The following HIBCH variants were observed in gnomAD, a reference collection of about 807,000 sequenced individuals.
HIBCH encodes the protein 3-hydroxyisobutyryl-CoA hydrolase, mitochondrial.
HIBCH carries 50 observed loss-of-function variants against 58.2 expected under a neutral mutation model. That is an observed-to-expected ratio of 0.86 (90% CI 0.68 to 1.09). The LOEUF (loss-of-function observed/expected upper bound fraction) is 1.09, where lower values mean the gene tolerates loss of function less well. HIBCH is among the 50% of genes least tolerant of loss of function. The probability of loss-of-function intolerance (pLI) is 0.00; values close to 1 mark genes in which losing one functional copy is unlikely to be tolerated. For synonymous variants in HIBCH, 151 were observed against 146.9 expected, an observed-to-expected ratio of 1.03 and a Z score of -0.20; for missense variants, 450 against 449.7, an observed-to-expected ratio of 1.00 and a Z score of -0.01.
At position 190,304,512 on chromosome 2, in the gene HIBCH, G is replaced by A. The variant is rs1019135174; in HGVS notation, c.78+6242C>T. Among the ~76,000 whole-genome samples the A allele has an allele frequency of 6.6e-6, 1 of 152,086 alleles. No individual in the cohort carries two copies. Among genetic ancestry groups the A allele is most frequent in the African/African-American group, 2.4e-5 (1 of 41,420 alleles). On this transcript the variant is annotated intron_variant, in intron 2 of 13. Transcript: ENST00000359678. This position sits in a 1 kb window ranked among gnomAD's most constrained non-coding sequence, Gnocchi z 4.1. ...AATCCTTCGTGAGGACAGAGGCCTC[G>A]TGACCCAATCACCTCCCAAAGGCCT...
chr2:190,198,631 CAAAAAAA>C (rs35125102), intron 1 of HIBCH, among the ~76,000 whole-genome samples: 2,346 of 70,714 alleles, frequency 0.033, 26 homozygotes, highest in Non-Finnish European at 0.048. Flanking sequence ...GACCCTGTCT[CAAAAAAA>C]AAAAAAAAAA....
chr2:190,312,931 T>C (rs1463504332), intron 1 of HIBCH, among the ~76,000 whole-genome samples: 9 of 152,178 alleles, frequency 5.9e-5, no homozygotes, highest in Admixed American at 5.9e-4. Context: ...AAACCCCGTT[T>C]CCACTAAAAG....
At chr2:190,271,377 C>T (rs1467802496) in intron 6 of HIBCH, among the ~76,000 whole-genome samples, 1 of 150,118 alleles carries the variant, frequency 6.7e-6, no homozygotes, top group East Asian at 2.0e-4. Context: ...CAACCTCTAC[C>T]TCCCGGGTTT....
At chr2:190,218,964 T>TG (rs1685640165) in intron 11 of HIBCH, among the ~76,000 whole-genome samples, 1 of 152,204 alleles carries the variant, frequency 6.6e-6, no homozygotes, top group Non-Finnish European at 1.5e-5. Flanking sequence ...TAAACGTTAC[T>TG]GGTAAGTCAA....
chr2:190,202,874 G>A (rs1035604431), downstream of HIBCH: 21 of 167,048 alleles, frequency 1.3e-4, no homozygotes, highest in African/African-American at 5.1e-4. Flanking sequence ...TTCCCCAGTT[G>A]TCGCTTATGT....
intron 7 of HIBCH, among the ~76,000 whole-genome samples, chr2:190,259,318 G>GGTGTGTGT (rs1364718798): frequency 4.1e-4 from 29 of 71,200 alleles, no homozygotes; most frequent in Non-Finnish European, 8.3e-4. Context: ...TCAGTATACA[G>GGTGTGTGT]ATGTGTGTGT....
chr2:190,219,524 CTTTG>C (rs369522250), intron 11 of HIBCH, among the ~76,000 whole-genome samples: 3 of 152,274 alleles, frequency 2.0e-5, no homozygotes, highest in South Asian at 2.1e-4. Context: ...AAATAGCTCA[CTTTG>C]TTTGTTCTTA....
intron 5 of HIBCH, among the ~76,000 whole-genome samples, chr2:190,289,829 C>T (rs1224278389): frequency 6.6e-6 from 1 of 152,054 alleles, no homozygotes; most frequent in Non-Finnish European, 1.5e-5. Context: ...AACTGGAACC[C>T]AAGTTTTTTC....
At chr2:190,193,230 TTA>T (rs1689801223) in intron 1 of HIBCH, among the ~76,000 whole-genome samples, 2 of 152,120 alleles carry the variant, frequency 1.3e-5, no homozygotes, top group South Asian at 4.1e-4. Flanking sequence ...CTGATTTTTT[TTA>T]TGTTAATATA....
At chr2:190,253,301 T>C (rs548430711) in intron 7 of HIBCH, among the ~76,000 whole-genome samples, 1 of 152,342 alleles carries the variant, frequency 6.6e-6, no homozygotes, top group South Asian at 2.1e-4. Context: ...TTTTATAATT[T>C]ATGTATCTGT....
chr2:190,257,334 G>C (rs1686954564), intron 7 of HIBCH, among the ~76,000 whole-genome samples: 1 of 152,142 alleles, frequency 6.6e-6, no homozygotes, highest in Admixed American at 6.5e-5. Flanking sequence ...TCTCATACAA[G>C]TGAACTCAGG....
At chr2:190,261,920 G>T (rs1486133281) in intron 6 of HIBCH, among the ~76,000 whole-genome samples, 3 of 152,156 alleles carry the variant, frequency 2.0e-5, no homozygotes, top group Non-Finnish European at 4.4e-5. Context: ...AGGAGGGGCT[G>T]AACTAGGGAT....
In HIBCH at chr2:190,207,286, C is replaced by T. The variant is rs973319759; in HGVS notation, c.1045+1594G>A. Among the ~76,000 whole-genome samples the T allele has an allele frequency of 9.2e-5, 14 of 152,118 alleles. No homozygotes were observed. Among genetic ancestry groups the T allele is most frequent in the African/African-American group, 3.4e-4 (14 of 41,412 alleles). On this transcript the variant is annotated intron_variant, in intron 13 of 13. Transcript: ENST00000359678. The surrounding 1 kb of genome is among the most constrained non-coding windows in gnomAD (Gnocchi z 4.5). ...GGGCTATTATAACATATAATGAATA[C>T]TTTAACAATATAACCCTGTATGCTT...
intron 6 of HIBCH, among the ~76,000 whole-genome samples, chr2:190,262,450 G>C (rs1216174767): frequency 6.6e-6 from 1 of 152,086 alleles, no homozygotes; most frequent in Non-Finnish European, 1.5e-5. Context: ...TTTTCAGTTA[G>C]AACTAGACCT....
At chr2:190,319,194 T>G (rs1217894120) in intron 1 of HIBCH, among the ~76,000 whole-genome samples, 1 of 152,142 alleles carries the variant, frequency 6.6e-6, no homozygotes, top group African/African-American at 2.4e-5. Context: ...TAAACAATGT[T>G]TGCAAACATG....
intron 10 of HIBCH, 65 bp from the exon 11 acceptor site, chr2:190,245,033 A>AAT (rs1686565475): frequency 2.0e-6 from 2 of 999,270 alleles, no homozygotes; most frequent in African/African-American, 3.2e-5. Context: ...ACATACGATG[A>AAT]ATCTGAACAT....
At chr2:190,240,402 C>T (rs756300605) in intron 11 of HIBCH, among the ~76,000 whole-genome samples, 9 of 151,992 alleles carry the variant, frequency 5.9e-5, no homozygotes, top group Admixed American at 1.3e-4. Flanking sequence ...TCTTATTAGT[C>T]TGGCTAGTGG....
intron 7 of HIBCH, among the ~76,000 whole-genome samples, chr2:190,259,319 A>ATGTATGTGTGTG (rs1553501619): frequency 6.5e-5 from 8 of 122,208 alleles, no homozygotes; most frequent in Non-Finnish European, 1.3e-4. Context: ...CAGTATACAG[A>ATGTATGTGTGTG]TGTGTGTGTG....
rs146339755 is a variant in HIBCH at position 190,245,385 on chromosome 2, A to C, written c.810-417T>G. 509 of 165,050 alleles carry C rather than the reference A, an allele frequency of 3.1e-3. 1 individual carries two copies. The highest frequency in any genetic ancestry group is 0.012 in the African/African-American group (482 of 41,640). 10.2% of individuals were successfully genotyped at this position (165,050 alleles called of 1,614,324 possible). On this transcript the variant is annotated intron_variant, in intron 10 of 13. Transcript: ENST00000359678. ...CTTGATAAGACCTTCAGAGAAGATG[A>C]ATTTAAAAAGGTAAAAGTTAATTCA... is the stretch of plus-strand genomic sequence containing the variant.
Sources: gnomAD v4.1 joint callset for allele counts (sites outside exome capture counted in the v4.1 genomes callset) on GRCh38, gnomAD v4.1.1 for gene constraint, Gnocchi (gnomAD v3.1) non-coding constraint, MANE v1.5 for transcripts, NCBI Gene and HGNC (gene_info 2026-07-23, HGNC 2026-07-21) for gene names.